Variants in PLEKHA6 observed in about 807,000 individuals in gnomAD.
PLEKHA6 encodes the protein pleckstrin homology domain containing A6, also known as pleckstrin homology domain-containing family A member 6.
A neutral mutation model predicts 116.7 loss-of-function variants in PLEKHA6; 60 were observed. The ratio of observed to expected loss-of-function variants is 0.51; its 90% CI spans 0.42 to 0.64. The LOEUF (loss-of-function observed/expected upper bound fraction) is 0.64, where lower values mean the gene tolerates loss of function less well. PLEKHA6 is among the 30% of genes least tolerant of loss of function. The pLI is 0.00. For missense variants in PLEKHA6, 1,338 were observed against 1,422.7 expected (o/e 0.94, Z 0.96); for synonymous variants, 489 against 556.1 (o/e 0.88, Z 1.70).
In PLEKHA6 at chr1:204,241,433, G is replaced by T. The variant is rs981654613; in HGVS notation, c.2351C>A (p.Thr784Asn). 1.2e-6 allele frequency: 2 copies of T among 1,611,248 alleles called. No homozygotes were observed. Among genetic ancestry groups the T allele is most frequent in the South Asian group, 1.1e-5 (1 of 90,482 alleles). ...ATTCCTTCTTACCACTGCTGATGGG[G>T]TCACCTCATCATCAGTGGGCGATTT... is the stretch of plus-strand genomic sequence containing the variant. ...RTKSPTDDEV[T>N]PSAVVRRNAS... Residue 784 changes from threonine to asparagine, a missense_variant, in exon 17 of 23, where the codon ACC becomes AAC. Physicochemically the swap from Thr to Asn is moderately conservative, Grantham distance 65. Around this residue, in one of 3 missense-constraint regions of PLEKHA6, gnomAD observed 1,136 missense variants for 1,163.6 expected, o/e 0.98. Coordinates refer to ENST00000272203, the MANE Select transcript of PLEKHA6 (RefSeq NM_014935.5).
chr1:204,331,889 C>A (rs1173312460), intron 1 of PLEKHA6, among the ~76,000 whole-genome samples: 1 of 151,608 alleles, frequency 6.6e-6, no homozygotes. Flanking sequence ...AAGCCCCATG[C>A]CCCGAGAGGC....
intron 1 of PLEKHA6, among the ~76,000 whole-genome samples, chr1:204,298,539 C>G (rs781438124): frequency 2.0e-5 from 3 of 152,144 alleles, no homozygotes; most frequent in Admixed American, 6.5e-5. Flanking sequence ...GTCAGACTAC[C>G]CTGCTCCTTG....
rs1196806567 is a variant in PLEKHA6, at chr1:204,228,780, T to G, written c.2833A>C (p.Lys945Gln). ...PDTPLSPEEL[K>Q]EKQKKVERIK... is the part of the protein sequence containing the mutation. The stretch of plus-strand genomic sequence containing the variant: ...CTCTCCACCTTCTTCTGCTTCTCCT[T>G]CAACTCCTCAGGGCTCAGGGGAGTG... Residue 945 changes from lysine (K) to glutamine (Q), a missense_variant, in exon 20 of 23, where the codon AAG becomes CAG. Around this residue, in one of 3 missense-constraint regions of PLEKHA6, gnomAD observed 1,136 missense variants for 1,163.6 expected, o/e 0.98. Coordinates refer to ENST00000272203, the MANE Select transcript of PLEKHA6 (RefSeq NM_014935.5). This position sits in a 1 kb window ranked among gnomAD's most constrained non-coding sequence, Gnocchi z 4.0. 6.2e-7 allele frequency: 1 copy of G among 1,613,778 alleles called. No individual in the cohort carries two copies. The highest frequency in any genetic ancestry group is 8.5e-7 in the Non-Finnish European group (1 of 1,179,758).
intron 17 of PLEKHA6, among the ~76,000 whole-genome samples, chr1:204,237,278 A>G (rs755767867): frequency 1.3e-5 from 2 of 152,218 alleles, no homozygotes; most frequent in Admixed American, 1.3e-4. Context: ...GAACCCCCAC[A>G]TTGGCTCCCT....
At chr1:204,236,964 C>T (rs571242281) in intron 17 of PLEKHA6, among the ~76,000 whole-genome samples, 1 of 152,338 alleles carries the variant, frequency 6.6e-6, no homozygotes, top group South Asian at 2.1e-4. Context: ...GTGAATCTTT[C>T]TTCTATCCTT....
intron 1 of PLEKHA6, among the ~76,000 whole-genome samples, chr1:204,349,070 T>G (rs2103354083): frequency 6.6e-6 from 1 of 152,328 alleles, no homozygotes; most frequent in African/African-American, 2.4e-5. Context: ...TGCTTCAAGC[T>G]TGGCCTTCTC....
chr1:204,236,600 G>GT (rs922630059), intron 17 of PLEKHA6, among the ~76,000 whole-genome samples: 79 of 152,252 alleles, frequency 5.2e-4, no homozygotes, highest in African/African-American at 1.8e-3. Flanking sequence ...GGTCCAAGTG[G>GT]TGGCACTCAA....
intron 1 of PLEKHA6, chr1:204,347,027 T>G: frequency 9.0e-6 from 13 of 1,440,454 alleles, no homozygotes; most frequent in Non-Finnish European, 1.3e-5. Flanking sequence ...TTAACTTGTT[T>G]GTTTACAACA....
chr1:204,330,809 T>A (rs1356651146), intron 1 of PLEKHA6, among the ~76,000 whole-genome samples: 1 of 152,194 alleles, frequency 6.6e-6, no homozygotes, highest in Non-Finnish European at 1.5e-5. Context: ...GCACCCCTCC[T>A]TCCCTAGATC....
intron 5 of PLEKHA6, among the ~76,000 whole-genome samples, chr1:204,267,028 G>A (rs1666910115): frequency 6.6e-6 from 1 of 152,234 alleles, no homozygotes; most frequent in African/African-American, 2.4e-5. Context: ...GGATACAGCA[G>A]TGACCAACAC....
intron 1 of PLEKHA6, among the ~76,000 whole-genome samples, chr1:204,338,484 A>G (rs1572202417): frequency 6.6e-6 from 1 of 152,182 alleles, no homozygotes; most frequent in East Asian, 1.9e-4. Context: ...GAAAAAGGGG[A>G]AAGCAGATGG....
chr1:204,250,487 G>A lies in PLEKHA6; in HGVS notation c.1593+59C>T, dbSNP rs184832593. ...GAGATGGATGGAGAGACAGCCCCCC[G>A]CAGAGGACAGCAGCAGGAGGCTGGA... On this transcript the variant is annotated intron_variant, in intron 10 of 22. Transcript: ENST00000272203. The A allele has an allele frequency of 4.0e-5, 47 of 1,172,550 alleles. No individual in the cohort carries two copies. In the East Asian group the frequency reaches 5.6e-4, roughly 14 times the overall value. The allele number at this position is 1,172,550 out of a possible 1,614,324, so 72.6% of individuals were successfully genotyped here. A position where few individuals can be genotyped will look rare whatever the true frequency, so the allele number is the denominator to read the frequency against.
At chr1:204,252,330 A>AG (rs1471698323) in intron 9 of PLEKHA6, among the ~76,000 whole-genome samples, 2 of 151,770 alleles carry the variant, frequency 1.3e-5, no homozygotes, top group Admixed American at 1.3e-4. Context: ...GAGAAATGGA[A>AG]GAAGGGATGG....
At position 204,231,807 on chromosome 1, in the gene PLEKHA6, C is replaced by A. The variant is rs1202084298; in HGVS notation, c.2410-1221G>T. On this transcript the variant is annotated intron_variant, in intron 17 of 22. Transcript: ENST00000272203. Reference sequence around the variant, plus strand: ...CAAGCTGTTTTTGAACCCTTAGCTTCCAGTAATCCTCTTGTCCCAAAGTGC... The same window carrying A: ...CAAGCTGTTTTTGAACCCTTAGCTTACAGTAATCCTCTTGTCCCAAAGTGC... Among the ~76,000 whole-genome samples, 4 of 152,264 alleles carry A rather than the reference C, an allele frequency of 2.6e-5. No individual in the cohort carries two copies. In the East Asian group the frequency reaches 7.7e-4, roughly 29 times the overall value.
intron 21 of PLEKHA6, among the ~76,000 whole-genome samples, chr1:204,227,873 C>T (rs1660577259): frequency 6.6e-6 from 1 of 152,184 alleles, no homozygotes; most frequent in Non-Finnish European, 1.5e-5. Flanking sequence ...GCTCTGAGCT[C>T]CTGGATGCAG....
intron 1 of PLEKHA6, among the ~76,000 whole-genome samples, chr1:204,341,966 C>T (rs997835609): frequency 1.3e-5 from 2 of 151,726 alleles, no homozygotes; most frequent in African/African-American, 4.8e-5. Context: ...GCGGGCAGAT[C>T]ATTTGATGTC....
Position 204,257,356 on chromosome 1 carries a change from G to C in PLEKHA6, c.1521C>G (p.Pro507=). Residue 507 remains proline (P), a synonymous_variant, in exon 9 of 23, where the codon CCC becomes CCG. Transcript: ENST00000272203. The surrounding 1 kb of genome is among the most constrained non-coding windows in gnomAD (Gnocchi z 6.5). ...GAAGGGCAGGCTGGTGGCTCACCTT[G>C]GGGGAGCTGATGGATCGCCTCATCA... ...AYVMRRSISS[P]KVPPYPEVFR... The C allele has an allele frequency of 1.3e-6, 2 of 1,560,810 alleles. No individual in the cohort carries two copies. Among genetic ancestry groups the C allele is most frequent in the Non-Finnish European group, 1.7e-6 (2 of 1,151,940 alleles).
chr1:204,307,925 G>T, intron 1 of PLEKHA6: 1 of 982,108 alleles, frequency 1.0e-6, no homozygotes, highest in Non-Finnish European at 1.2e-6. Flanking sequence ...TGCAGCTTAA[G>T]AGCAGAGATT....
chr1:204,355,488 G>T (rs1227150043), intron 1 of PLEKHA6, among the ~76,000 whole-genome samples: 2 of 152,186 alleles, frequency 1.3e-5, no homozygotes, highest in Non-Finnish European at 2.9e-5. Flanking sequence ...CACCCAGGCT[G>T]GAGTACAGTG....
Sources: gnomAD v4.1 joint callset for allele counts (sites outside exome capture counted in the v4.1 genomes callset) on GRCh38, gnomAD v4.1.1 for gene constraint, gnomAD v4.1.1 regional missense constraint, Gnocchi (gnomAD v3.1) non-coding constraint, MANE v1.5 for transcripts, NCBI Gene and HGNC (gene_info 2026-07-23, HGNC 2026-07-21) for gene names.